Variants in C8orf88 observed in about 807,000 individuals in gnomAD.
C8orf88 encodes chromosome 8 open reading frame 88, also known as uncharacterized protein C8orf88.
C8orf88 carries 14 observed loss-of-function variants against 18.4 expected under a neutral mutation model. That is an observed-to-expected ratio of 0.76 (90% CI 0.50 to 1.19). The LOEUF (loss-of-function observed/expected upper bound fraction) is 1.19. C8orf88 is among the 50% of genes most tolerant of loss of function. C8orf88 has a pLI of 0.00. For missense variants in C8orf88, 116 were observed against 134.7 expected (o/e 0.86, Z 0.69); for synonymous variants, 45 against 42.9 (o/e 1.05, Z -0.19).
chr8:90,977,400 C>T (rs1811367224), intron 3 of C8orf88, among the ~76,000 whole-genome samples: 1 of 151,972 alleles, frequency 6.6e-6, no homozygotes, highest in Admixed American at 6.5e-5. Flanking sequence ...TAACTTTATG[C>T]CACAGAAAAC....
chr8:90,962,074 A>C (rs1390388827), intron 4 of C8orf88, among the ~76,000 whole-genome samples: 1 of 151,616 alleles, frequency 6.6e-6, no homozygotes, highest in Non-Finnish European at 1.5e-5. Flanking sequence ...GGTAACAATT[A>C]TTAATGTGTT....
intron 1 of C8orf88, among the ~76,000 whole-genome samples, chr8:90,982,805 A>C (rs534764920): frequency 4.6e-5 from 7 of 152,178 alleles, no homozygotes; most frequent in Non-Finnish European, 1.0e-4. Context: ...AAACACTGAC[A>C]TTATAGGGGA....
In C8orf88 at chr8:90,980,286, T is replaced by C. The variant is rs1455300256; in HGVS notation, c.73+77A>G. The C allele has an allele frequency of 7.1e-6, 6 of 841,458 alleles. No homozygotes were observed. The Admixed American group carries it at 1.2e-4, about 16-fold the overall frequency. The allele number at this position is 841,458 out of a possible 1,614,324, so 52.1% of individuals were successfully genotyped here. A position where few individuals can be genotyped will look rare whatever the true frequency, so the allele number is the denominator to read the frequency against. ...AATATCCACCTGAAACAATACTTTA[T>C]ATATTATTTAGCTTTTCAAATACTA... is the stretch of plus-strand genomic sequence containing the variant. On this transcript the variant is annotated intron_variant, in intron 2 of 5. Coordinates refer to ENST00000517562, the MANE Select transcript of C8orf88 (RefSeq NM_001190972.2).
intron 1 of C8orf88, 65 bp from the exon 2 acceptor site, chr8:90,980,526 C>A: frequency 1.7e-6 from 1 of 596,226 alleles, no homozygotes. Context: ...TACATGTATA[C>A]AAATAACTAC....
At chr8:90,969,094 A>T (rs2130309616) in intron 4 of C8orf88, among the ~76,000 whole-genome samples, 1 of 151,940 alleles carries the variant, frequency 6.6e-6, no homozygotes, top group East Asian at 1.9e-4. Flanking sequence ...ACTACCAATG[A>T]TCCAGCAAGT....
At chr8:90,960,895 T>C (rs1811118306) in intron 4 of C8orf88, 47 bp from the exon 5 acceptor site, 1 of 1,101,472 alleles carries the variant, frequency 9.1e-7, no homozygotes, top group Non-Finnish European at 1.3e-6. Context: ...TGTAGGGCTG[T>C]CTAGATCACT....
In C8orf88 at chr8:90,958,958, C is replaced by T. The variant is rs544039294; in HGVS notation, c.*49G>A. ...TCCATTACAGTTATTGTTGCTAGAT[C>T]CACCTCATTTGCAGATGTCCAAACT... is the stretch of plus-strand genomic sequence containing the variant. On this transcript the variant is annotated 3_prime_UTR_variant, in exon 6 of 6. Coordinates refer to ENST00000517562, the MANE Select transcript of C8orf88 (RefSeq NM_001190972.2). The T allele has an allele frequency of 9.8e-6, 12 of 1,227,220 alleles. No individual in the cohort carries two copies. In the East Asian group the frequency reaches 2.2e-4, roughly 22 times the overall value. The allele number at this position is 1,227,220 out of a possible 1,614,324, so 76.0% of individuals were successfully genotyped here.
At chr8:90,979,611 C>T (rs1435099784) in intron 2 of C8orf88, among the ~76,000 whole-genome samples, 1 of 152,178 alleles carries the variant, frequency 6.6e-6, no homozygotes, top group Non-Finnish European at 1.5e-5. Context: ...CATTTGTAAA[C>T]TCAACAAAGT....
intron 3 of C8orf88, among the ~76,000 whole-genome samples, chr8:90,975,988 G>A (rs890443018): frequency 4.8e-5 from 7 of 147,282 alleles, no homozygotes; most frequent in Admixed American, 2.0e-4. Context: ...TAAACATAAC[G>A]CTGAGCAAAA....
chr8:90,959,520 A>G (rs1811094854), intron 5 of C8orf88: 1 of 151,462 alleles, frequency 6.6e-6, no homozygotes, highest in African/African-American at 2.4e-5. Context: ...CATCAAGTAC[A>G]TTTTTTCTTA....
At chr8:90,973,503 G>C (rs1168854897) in intron 3 of C8orf88, among the ~76,000 whole-genome samples, 1 of 151,996 alleles carries the variant, frequency 6.6e-6, no homozygotes, top group Non-Finnish European at 1.5e-5. Flanking sequence ...ATTTTTTTGA[G>C]ACAGCGTCTT....
intron 4 of C8orf88, among the ~76,000 whole-genome samples, chr8:90,964,221 C>T (rs1200350320): frequency 6.6e-6 from 1 of 151,602 alleles, no homozygotes; most frequent in Non-Finnish European, 1.5e-5. Context: ...AGATTCTTCA[C>T]ACATAGATAC....
intron 4 of C8orf88, among the ~76,000 whole-genome samples, chr8:90,968,081 A>G (rs145755981): frequency 1.4e-3 from 206 of 151,894 alleles, no homozygotes; most frequent in African/African-American, 4.7e-3. Context: ...ATCTCAAAAT[A>G]TCAAATGGAA....
Position 90,976,089 on chromosome 8 carries a change from G to A in C8orf88, c.147+2490C>T, listed in dbSNP as rs574196540. Among the ~76,000 whole-genome samples the A allele has an allele frequency of 2.0e-4, 30 of 152,106 alleles. No individual in the cohort carries two copies. In the South Asian group the frequency reaches 4.4e-3, roughly 22 times the overall value. On this transcript the variant is annotated intron_variant, in intron 3 of 5. Transcript: ENST00000517562. ...TAACTTATCTATCATTAAAAGAAGCGGATCAGTGGATGTGTGGGGCAAGAA... is the reference window on the plus strand; with the variant it reads ...TAACTTATCTATCATTAAAAGAAGCAGATCAGTGGATGTGTGGGGCAAGAA...
chr8:90,962,931 G>A (rs1479695893), intron 4 of C8orf88, among the ~76,000 whole-genome samples: 3 of 151,540 alleles, frequency 2.0e-5, no homozygotes, highest in Non-Finnish European at 4.4e-5. Context: ...GATGCTTTGA[G>A]GTAGAAGGGC....
At chr8:90,959,710 G>T (rs1340863837) in intron 5 of C8orf88, among the ~76,000 whole-genome samples, 1 of 151,212 alleles carries the variant, frequency 6.6e-6, no homozygotes, top group Non-Finnish European at 1.5e-5. Context: ...GAATTCCAAA[G>T]AATTAGAATA....
At chr8:90,970,197 GA>G (rs1359026959) in intron 4 of C8orf88, among the ~76,000 whole-genome samples, 1 of 151,962 alleles carries the variant, frequency 6.6e-6, no homozygotes, top group Non-Finnish European at 1.5e-5. Context: ...TGAAACTTGT[GA>G]AATAACTATG....
At chr8:90,983,987 A>G (rs947328280) in intron 1 of C8orf88, among the ~76,000 whole-genome samples, 1 of 152,184 alleles carries the variant, frequency 6.6e-6, no homozygotes, top group African/African-American at 2.4e-5. Flanking sequence ...TCTTCAATTT[A>G]CCATTTTTCT....
In C8orf88 at chr8:90,967,706, C is replaced by G. The variant is rs150201411; in HGVS notation, c.223+3360G>C. On this transcript the variant is annotated intron_variant, in intron 4 of 5. Coordinates refer to ENST00000517562, the MANE Select transcript of C8orf88 (RefSeq NM_001190972.2). ...AGGTTATCTAGTTTTTGGCATACAACTAACTGTTCATAATATTCTCATAAT... is the reference window on the plus strand; with the variant it reads ...AGGTTATCTAGTTTTTGGCATACAAGTAACTGTTCATAATATTCTCATAAT... 4.4e-3 allele frequency among the ~76,000 whole-genome samples: 666 copies of G among 151,768 alleles called. 5 individuals are homozygous for G. Among genetic ancestry groups the G allele is most frequent in the African/African-American group, 0.015 (613 of 41,486 alleles).
Sources: gnomAD v4.1 joint callset for allele counts (sites outside exome capture counted in the v4.1 genomes callset) on GRCh38, gnomAD v4.1.1 for gene constraint, MANE v1.5 for transcripts, NCBI Gene and HGNC (gene_info 2026-07-23, HGNC 2026-07-21) for gene names.